The following RYR1 variants were observed in gnomAD, a reference collection of about 807,000 sequenced individuals.
The protein encoded by RYR1 is central core disease of muscle.
Under a neutral mutation model 583.5 loss-of-function variants are expected in RYR1, and 342 were observed. The ratio of observed to expected loss-of-function variants is 0.59; its 90% CI spans 0.54 to 0.64. The LOEUF (loss-of-function observed/expected upper bound fraction) is 0.64. RYR1 is among the 30% of genes least tolerant of loss of function. The pLI, the probability that RYR1 is intolerant of heterozygous loss-of-function variation, is 0.00. For missense variants in RYR1, 6,032 were observed against 6,917.2 expected, an observed-to-expected ratio of 0.87 and a Z score of 4.54; for synonymous variants, 2,791 against 2,822.5, an observed-to-expected ratio of 0.99 and a Z score of 0.35.
intron 78 of RYR1, among the ~76,000 whole-genome samples, chr19:38,533,682 C>A (rs576233330): frequency 1.3e-5 from 2 of 151,604 alleles, no homozygotes; most frequent in Admixed American, 1.3e-4. Context: ...ATCCCAGCTA[C>A]TCAGGAGGTT....
At position 38,444,801 on chromosome 19, in the gene RYR1, G is replaced by A; in HGVS notation, c.631+124G>A. 1 of 740,316 alleles carries A rather than the reference G, an allele frequency of 1.4e-6. No individual in the cohort carries two copies. The highest frequency in any genetic ancestry group is 1.6e-5 in the South Asian group (1 of 64,382). 45.9% of individuals were successfully genotyped at this position (740,316 alleles called of 1,614,324 possible). ...CCTCAAACCTAGATCTCCAAATTAT[G>A]GCTCTCACACTTAGATCTCCAGCTG... On this transcript the variant is annotated intron_variant, in intron 7 of 105. Coordinates refer to ENST00000359596, the MANE Select transcript of RYR1 (RefSeq NM_000540.3). This position sits in a 1 kb window ranked among gnomAD's most constrained non-coding sequence, Gnocchi z 5.1.
intron 49 of RYR1, among the ~76,000 whole-genome samples, 176 bp from the exon 50 acceptor site, chr19:38,504,044 A>G (rs1457023855): frequency 6.6e-6 from 1 of 152,212 alleles, no homozygotes. Context: ...TAAGCTGTCT[A>G]GGACCACTCC....
At chr19:38,493,515 C>CT (rs1568492618) in intron 38 of RYR1, among the ~76,000 whole-genome samples, 15 of 143,076 alleles carry the variant, frequency 1.0e-4, no homozygotes, top group African/African-American at 3.6e-4. Context: ...TTTTCTTTTT[C>CT]GTTTTTTTTT....
intron 89 of RYR1, among the ~76,000 whole-genome samples, chr19:38,553,590 G>A (rs1466740866): frequency 1.3e-5 from 2 of 151,380 alleles, no homozygotes; most frequent in Admixed American, 6.6e-5. Flanking sequence ...GAAGGTCAAG[G>A]CTGCAGTGAA....
In RYR1 at chr19:38,499,227, T is replaced by C; in HGVS notation, c.7011T>C (p.Phe2337=). ...GGERYLDFLR[F]AVFVNGESVE... is the part of the protein sequence containing the mutation. ...AGCGCTACCTGGACTTCCTGCGCTT[T>C]GCTGTCTTCGTCAACGGTGAGGAGG... The change falls in exon 43 of 106, where the codon TTT becomes TTC. Residue 2337 remains phenylalanine (F), a synonymous_variant. Coordinates refer to ENST00000359596, the MANE Select transcript of RYR1 (RefSeq NM_000540.3). The surrounding 1 kb of genome is among the most constrained non-coding windows in gnomAD (Gnocchi z 7.3). 1 of 1,614,194 alleles carries C rather than the reference T, an allele frequency of 6.2e-7. No individual in the cohort carries two copies. The highest frequency in any genetic ancestry group is 2.2e-5 in the East Asian group (1 of 44,884).
At position 38,490,084 on chromosome 19, in the gene RYR1, C is replaced by T. The variant is rs897579944; in HGVS notation, c.5823C>T (p.His1941=). Residue 1941 remains histidine (H), a synonymous_variant, in exon 36 of 106, where the codon CAC becomes CAT. Coordinates refer to ENST00000359596, the MANE Select transcript of RYR1 (RefSeq NM_000540.3). Reference sequence around the variant, plus strand: ...CGGCTGTCCTTCCACAGATGTGCCACCTGCTGGAGTATTTCTGTGACCAAG... The same window carrying T: ...CGGCTGTCCTTCCACAGATGTGCCATCTGCTGGAGTATTTCTGTGACCAAG... ...LPESVKLQMC[H]LLEYFCDQEL... 1.9e-6 allele frequency: 3 copies of T among 1,613,960 alleles called. No homozygotes were observed. Among genetic ancestry groups the T allele is most frequent in the South Asian group, 1.1e-5 (1 of 91,086 alleles).
intron 63 of RYR1, 78 bp from the exon 64 acceptor site, chr19:38,514,948 A>G: frequency 2.1e-6 from 2 of 958,246 alleles, no homozygotes; most frequent in Non-Finnish European, 3.3e-6. Flanking sequence ...GCATGGGCCT[A>G]TTTGAGACAA....
At position 38,528,308 on chromosome 19, in the gene RYR1, C is replaced by T. The variant is rs1259807854; in HGVS notation, c.10827C>T (p.Thr3609=). The change falls in exon 74 of 106, where the codon ACC becomes ACT. Residue 3609 remains threonine, a splice_region_variant and synonymous_variant. Transcript: ENST00000359596. ...CTGTCCTGCTATCCCCTCCCCAGAC[C>T]GAGCACCCTTACAAGTCTAAGAAGG... ...VSAVLYYLDQ[T]EHPYKSKKAV... is the part of the protein sequence containing the mutation. 3.1e-6 allele frequency: 5 copies of T among 1,613,984 alleles called. No homozygotes were observed. Among genetic ancestry groups the T allele is most frequent in the East Asian group, 2.2e-5 (1 of 44,876 alleles).
chr19:38,451,118 T>G (rs1967053293), intron 11 of RYR1, among the ~76,000 whole-genome samples: 2 of 152,350 alleles, frequency 1.3e-5, no homozygotes, highest in South Asian at 4.1e-4. Flanking sequence ...ACTACAGCCT[T>G]GCTGAATGGA....
rs1277103290 is a variant in RYR1, at chr19:38,466,202, G to T, written c.2982G>T (p.Val994=). ...GTCTGGCAGAAAATGGGCACAACGT[G>T]TGGGCCCGAGACCGCGTGGGCCAGG... The part of the protein sequence containing the change: ...VDRLAENGHN[V]WARDRVGQGW... The change falls in exon 24 of 106, where the codon GTG becomes GTT. Residue 994 remains valine (V), a synonymous_variant. Coordinates refer to ENST00000359596, the MANE Select transcript of RYR1 (RefSeq NM_000540.3). 6.2e-7 allele frequency: 1 copy of T among 1,613,368 alleles called. No homozygotes were observed. Among genetic ancestry groups the T allele is most frequent in the East Asian group, 2.2e-5 (1 of 44,886 alleles).
chr19:38,522,886 G>T, intron 67 of RYR1, 142 bp from the exon 68 acceptor site: 1 of 712,218 alleles, frequency 1.4e-6, no homozygotes, highest in Non-Finnish European at 2.4e-6. Flanking sequence ...ATGTTCATCT[G>T]CATGGCCAGA....
At chr19:38,550,146 G>A (rs953436539) in intron 89 of RYR1, among the ~76,000 whole-genome samples, 4 of 152,020 alleles carry the variant, frequency 2.6e-5, no homozygotes, top group African/African-American at 7.2e-5. Context: ...TGCTAATCAG[G>A]AAATTAACAT....
chr19:38,514,515 A>G (rs1970869251), intron 63 of RYR1, among the ~76,000 whole-genome samples: 1 of 151,958 alleles, frequency 6.6e-6, no homozygotes, highest in South Asian at 2.1e-4. Context: ...TCCTGACCTC[A>G]GGTGATCCGT....
At chr19:38,535,108 G>A in intron 79 of RYR1, 33 bp from the exon 80 acceptor site, 1 of 1,606,388 alleles carries the variant, frequency 6.2e-7, no homozygotes, top group Non-Finnish European at 8.5e-7. Flanking sequence ...CTTCCAACTG[G>A]GTGGACCATC....
At chr19:38,538,492 A>G (rs73032627) in intron 84 of RYR1, 9,205 of 155,446 alleles carry the variant, frequency 0.059, 431 homozygotes, top group South Asian at 0.23. Context: ...GCAACCTGCC[A>G]AAAACCAATT....
At chr19:38,467,044 C>T (rs1331500904) in intron 24 of RYR1, among the ~76,000 whole-genome samples, 1 of 152,086 alleles carries the variant, frequency 6.6e-6, no homozygotes, top group African/African-American at 2.4e-5. Flanking sequence ...TCCCTAATCA[C>T]TAATCTCTGA....
At chr19:38,507,248 G>T (rs899461963) in intron 57 of RYR1, among the ~76,000 whole-genome samples, 1 of 150,612 alleles carries the variant, frequency 6.6e-6, no homozygotes, top group African/African-American at 2.4e-5. Context: ...ACTGAGAGGG[G>T]CGGGGACCGG....
rs748877663 is a variant in RYR1, at chr19:38,512,130, C to T, written c.9231C>T (p.Ala3077=). 1 of 1,614,186 alleles carries T rather than the reference C, an allele frequency of 6.2e-7. No homozygotes were observed. Among genetic ancestry groups the T allele is most frequent in the Non-Finnish European group, 8.5e-7 (1 of 1,180,026 alleles). Residue 3077 remains alanine, a splice_region_variant and synonymous_variant, in exon 62 of 106, where the codon GCC becomes GCT. Transcript: ENST00000359596. This position sits in a 1 kb window ranked among gnomAD's most constrained non-coding sequence, Gnocchi z 5.1. ...ACATCCTGGCCCGCTCCCTGGATGC[C>T]AGGTAGGGCCATAGGCAGTGGCGCC... ...CLHILARSLD[A]RTVMKSGPEI...
intron 39 of RYR1, among the ~76,000 whole-genome samples, chr19:38,495,535 T>TAGGG (rs1406788986): frequency 2.0e-5 from 3 of 151,710 alleles, no homozygotes; most frequent in Non-Finnish European, 4.4e-5. Flanking sequence ...TTTGTAGAGG[T>TAGGG]AGGGTCTTGC....
Sources: allele counts gnomAD v4.1 joint callset (sites outside exome capture counted in the v4.1 genomes callset), GRCh38; gene constraint gnomAD v4.1.1; non-coding constraint Gnocchi (gnomAD v3.1); transcripts MANE v1.5; gene names NCBI Gene and HGNC (gene_info 2026-07-23, HGNC 2026-07-21).